Variants in AGBL4 observed in about 807,000 individuals in gnomAD.
The protein encoded by AGBL4 is AGBL carboxypeptidase 4, also known as cytosolic carboxypeptidase 6.
A neutral mutation model predicts 66.4 loss-of-function variants in AGBL4; 58 were observed. That is an observed-to-expected ratio of 0.87 (90% confidence interval 0.71 to 1.09). The LOEUF (loss-of-function observed/expected upper bound fraction) is 1.09, where lower values mean the gene tolerates loss of function less well. AGBL4 is among the 50% of genes least tolerant of loss of function. The probability of loss-of-function intolerance (pLI) is 0.00; values close to 1 mark genes in which losing one functional copy is unlikely to be tolerated. For missense variants in AGBL4, 579 were observed against 631.0 expected, an observed-to-expected ratio of 0.92 and a Z score of 0.88; for synonymous variants, 234 against 222.9, an observed-to-expected ratio of 1.05 and a Z score of -0.44.
At chr1:49,463,820 T>A (rs1057004099) in intron 3 of AGBL4, among the ~76,000 whole-genome samples, 1 of 151,772 alleles carries the variant, frequency 6.6e-6, no homozygotes, top group East Asian at 1.9e-4. Flanking sequence ...GCTAAGAGTA[T>A]AAATAACATC....
chr1:48,633,561 T>G (rs1286569971), intron 9 of AGBL4, among the ~76,000 whole-genome samples: 1 of 152,184 alleles, frequency 6.6e-6, no homozygotes, highest in African/African-American at 2.4e-5. Flanking sequence ...GTTGAACACT[T>G]TTAGTAAAGC....
chr1:49,873,220 C>T (rs1646882107), intron 1 of AGBL4, among the ~76,000 whole-genome samples: 1 of 151,840 alleles, frequency 6.6e-6, no homozygotes. Flanking sequence ...TCTTCCTCTC[C>T]CTGCTTTTTT....
At chr1:48,543,676 G>A (rs1644113619) in intron 11 of AGBL4, among the ~76,000 whole-genome samples, 1 of 152,166 alleles carries the variant, frequency 6.6e-6, no homozygotes. Context: ...CCATGGAGAT[G>A]GACAAGTGTT....
chr1:49,486,648 G>A (rs1431276460), intron 3 of AGBL4, among the ~76,000 whole-genome samples: 2 of 151,938 alleles, frequency 1.3e-5, no homozygotes, highest in South Asian at 2.1e-4. Context: ...GCATTCTCCT[G>A]TGATTTCAGC....
intron 8 of AGBL4, among the ~76,000 whole-genome samples, chr1:48,636,285 A>C (rs1411786221): frequency 6.6e-6 from 1 of 152,224 alleles, no homozygotes; most frequent in Non-Finnish European, 1.5e-5. Context: ...TTAGCCTTTG[A>C]TGTAGTTCCT....
chr1:49,307,923 C>T (rs910152863), intron 3 of AGBL4, among the ~76,000 whole-genome samples: 2 of 152,142 alleles, frequency 1.3e-5, no homozygotes, highest in South Asian at 2.1e-4. Context: ...AAATCACATG[C>T]GGAACTGTAA....
chr1:49,887,594 A>G (rs1423767999), intron 1 of AGBL4, among the ~76,000 whole-genome samples: 1 of 152,188 alleles, frequency 6.6e-6, no homozygotes, highest in Non-Finnish European at 1.5e-5. Context: ...TATTTTCAAT[A>G]TTTGCTTTGT....
chr1:49,265,390 T>C (rs1203577687), intron 3 of AGBL4, among the ~76,000 whole-genome samples: 1 of 152,186 alleles, frequency 6.6e-6, no homozygotes, highest in Non-Finnish European at 1.5e-5. Context: ...CTTGGTGTCA[T>C]GACATATCAA....
chr1:48,593,754 A>T (rs549088959), intron 9 of AGBL4, among the ~76,000 whole-genome samples: 11 of 152,240 alleles, frequency 7.2e-5, no homozygotes, highest in South Asian at 2.1e-4. Context: ...CCGTCTCAAA[A>T]AAATAAATAA....
chr1:49,717,687 T>C (rs1218306171), intron 2 of AGBL4, among the ~76,000 whole-genome samples: 1 of 152,096 alleles, frequency 6.6e-6, no homozygotes, highest in Non-Finnish European at 1.5e-5. Context: ...AGTAAGAATG[T>C]ACGTTCTTTG....
chr1:49,336,785 G>A (rs1483043938), intron 3 of AGBL4, among the ~76,000 whole-genome samples: 1 of 152,106 alleles, frequency 6.6e-6, no homozygotes, highest in Non-Finnish European at 1.5e-5. Context: ...AAGTAATCAT[G>A]CTTGTCTTAT....
intron 6 of AGBL4, among the ~76,000 whole-genome samples, chr1:48,787,928 G>A (rs1233498659): frequency 6.6e-6 from 1 of 152,190 alleles, no homozygotes; most frequent in Non-Finnish European, 1.5e-5. Context: ...ACATTGCTGG[G>A]CCATCAAATG....
chr1:49,511,849 T>G (rs1356004773), intron 3 of AGBL4, among the ~76,000 whole-genome samples: 3 of 151,922 alleles, frequency 2.0e-5, no homozygotes, highest in African/African-American at 7.2e-5. Context: ...TTTGAAAAGT[T>G]AAAAGTTTCA....
At chr1:49,481,332 G>C (rs528540097) in intron 3 of AGBL4, among the ~76,000 whole-genome samples, 1 of 152,054 alleles carries the variant, frequency 6.6e-6, no homozygotes, top group Admixed American at 6.6e-5. Flanking sequence ...TCATTGTAGA[G>C]AACTTCCACT....
intron 1 of AGBL4, among the ~76,000 whole-genome samples, chr1:49,933,380 T>C (rs763424358): frequency 6.6e-6 from 1 of 151,778 alleles, no homozygotes; most frequent in African/African-American, 2.4e-5. Flanking sequence ...GTTACCATTA[T>C]TCCTGTCTTA....
chr1:49,892,547 T>C (rs1648759783), intron 1 of AGBL4, among the ~76,000 whole-genome samples: 1 of 152,144 alleles, frequency 6.6e-6, no homozygotes, highest in African/African-American at 2.4e-5. Context: ...ATAATACCAA[T>C]GCTTTTTGCC....
chr1:49,579,390 G>A (rs185141819), intron 3 of AGBL4, among the ~76,000 whole-genome samples: 7 of 152,208 alleles, frequency 4.6e-5, no homozygotes, highest in African/African-American at 1.4e-4. Flanking sequence ...TACTTGGTAT[G>A]ATTTTTATTT....
At chr1:49,224,093 A>G (rs916582545) in intron 4 of AGBL4, among the ~76,000 whole-genome samples, 1 of 152,366 alleles carries the variant, frequency 6.6e-6, no homozygotes, top group African/African-American at 2.4e-5. Flanking sequence ...TATGCTTTGC[A>G]CATAGCATAC....
At chr1:49,766,517 A>G (rs941690956) in intron 2 of AGBL4, among the ~76,000 whole-genome samples, 1 of 152,042 alleles carries the variant, frequency 6.6e-6, no homozygotes, top group South Asian at 2.1e-4. Context: ...TAAAGCAACT[A>G]CTCAATACAA....
Sources: allele counts gnomAD v4.1 joint callset (sites outside exome capture counted in the v4.1 genomes callset), GRCh38; gene constraint gnomAD v4.1.1; transcripts MANE v1.5; gene names NCBI Gene and HGNC (gene_info 2026-07-23, HGNC 2026-07-21).